Variants in DLG1 observed in about 807,000 individuals in gnomAD.
DLG1 encodes the protein discs large MAGUK scaffold protein 1, also known as disks large homolog 1.
Under a neutral mutation model 123.4 loss-of-function variants are expected in DLG1, and 42 were observed. The observed-to-expected ratio is 0.34, with a 90% CI of 0.27 to 0.44. DLG1 has a LOEUF of 0.44. Among genes scored for constraint, DLG1 ranks in the 20% least tolerant of loss-of-function variants. DLG1 has a pLI of 1.00. For synonymous variants in DLG1, 317 were observed against 356.2 expected (o/e 0.89, Z 1.24); for missense variants, 942 against 1,082.6 (o/e 0.87, Z 1.82).
intron 4 of DLG1, among the ~76,000 whole-genome samples, chr3:197,217,912 A>G (rs1734922959): frequency 6.6e-6 from 1 of 152,204 alleles, no homozygotes; most frequent in Non-Finnish European, 1.5e-5. Flanking sequence ...AAGACGCTGT[A>G]CTTTTTTAAT....
intron 4 of DLG1, among the ~76,000 whole-genome samples, chr3:197,211,548 C>G (rs530941839): frequency 1.4e-5 from 2 of 146,156 alleles, no homozygotes; most frequent in East Asian, 3.9e-4. Flanking sequence ...AAATCAAACA[C>G]ACAATGAGAT....
At chr3:197,294,781 C>G (rs575528908) in intron 3 of DLG1, among the ~76,000 whole-genome samples, 1 of 151,896 alleles carries the variant, frequency 6.6e-6, no homozygotes, top group South Asian at 2.1e-4. Context: ...ACACAGCAAA[C>G]CCATCCCCAA....
At chr3:197,055,653 G>A (rs145192306) in intron 23 of DLG1, among the ~76,000 whole-genome samples, 128 of 152,286 alleles carry the variant, frequency 8.4e-4, no homozygotes, top group African/African-American at 2.9e-3. Flanking sequence ...ACTTTTGAAT[G>A]TCCTGGTCTG....
At chr3:197,055,009 T>C (rs978473810) in intron 23 of DLG1, among the ~76,000 whole-genome samples, 1 of 152,100 alleles carries the variant, frequency 6.6e-6, no homozygotes, top group Non-Finnish European at 1.5e-5. Flanking sequence ...GAGATGGGGT[T>C]TTGCTATGTT....
At chr3:197,193,599 A>G (rs1320316642) in intron 5 of DLG1, among the ~76,000 whole-genome samples, 1 of 152,202 alleles carries the variant, frequency 6.6e-6, no homozygotes, top group Non-Finnish European at 1.5e-5. Context: ...AAATTTATCA[A>G]TGTGAGGAAT....
At chr3:197,278,238 G>A (rs1026237710) in intron 4 of DLG1, among the ~76,000 whole-genome samples, 104 of 129,836 alleles carry the variant, frequency 8.0e-4, no homozygotes, top group African/African-American at 3.0e-3. Context: ...AGACGAGATC[G>A]TACCATTGCA....
intron 4 of DLG1, among the ~76,000 whole-genome samples, chr3:197,232,936 A>AC (rs1744014820): frequency 1.6e-5 from 1 of 62,990 alleles, no homozygotes; most frequent in East Asian, 5.9e-4. Context: ...CCAGAAACAA[A>AC]GAAGGATTTA....
intron 11 of DLG1, 98 bp from the exon 12 acceptor site, chr3:197,119,628 T>TA: frequency 8.8e-7 from 1 of 1,135,312 alleles, no homozygotes; most frequent in African/African-American, 1.6e-5. Context: ...TGCACTCCTT[T>TA]ATATATCAGA....
rs1324545461 is a variant in DLG1, at chr3:197,158,452, G to A, written c.484-8656C>T. On this transcript the variant is annotated intron_variant, in intron 5 of 24. Coordinates refer to ENST00000667157, the MANE Select transcript of DLG1 (RefSeq NM_001366207.1). ...AGTCTGACCAACATGGAGAAACCTC[G>A]TCTCTACTTAAAAAAAAAAAAAAAA... Among the ~76,000 whole-genome samples, 39 of 113,028 alleles carry A rather than the reference G, an allele frequency of 3.5e-4. No individual in the cohort carries two copies. In the Admixed American group the frequency reaches 3.8e-3, roughly 11 times the overall value. The allele number at this position is 113,028 out of a possible 152,430, so 74.2% of individuals were successfully genotyped here.
chr3:197,263,092 G>C (rs1442146064), intron 4 of DLG1, among the ~76,000 whole-genome samples: 2 of 152,128 alleles, frequency 1.3e-5, no homozygotes, highest in Non-Finnish European at 2.9e-5. Flanking sequence ...TGAAAACAAT[G>C]GAAGTGATAT....
chr3:197,137,195 C>G (rs1785466412), intron 9 of DLG1, among the ~76,000 whole-genome samples: 1 of 149,248 alleles, frequency 6.7e-6, no homozygotes, highest in African/African-American at 2.5e-5. Context: ...TCTCAGCTCT[C>G]CATTCCTTTT....
At chr3:197,165,084 T>G (rs1278165853) in intron 5 of DLG1, among the ~76,000 whole-genome samples, 1 of 152,178 alleles carries the variant, frequency 6.6e-6, no homozygotes, top group Non-Finnish European at 1.5e-5. Context: ...AAGAAATGTC[T>G]GAAAAATTAA....
intron 6 of DLG1, 95 bp from the exon 7 acceptor site, chr3:197,142,863 T>C: frequency 1.1e-6 from 1 of 876,504 alleles, no homozygotes; most frequent in South Asian, 1.6e-5. Context: ...TGAAAACCTG[T>C]TGAATGCGAC....
chr3:197,260,750 C>CAAAAAAAAA (rs570596943), intron 4 of DLG1, among the ~76,000 whole-genome samples: 13 of 18,316 alleles, frequency 7.1e-4, no homozygotes, highest in South Asian at 3.9e-3. Context: ...TGACAACCAC[C>CAAAAAAAAA]AAAAAAAAAA....
chr3:197,238,064 G>A (rs983194148), intron 4 of DLG1, among the ~76,000 whole-genome samples: 3 of 152,154 alleles, frequency 2.0e-5, no homozygotes, highest in Non-Finnish European at 4.4e-5. Flanking sequence ...CAGGAGTGAG[G>A]AGTATTCTCT....
Position 197,149,800 on chromosome 3 carries a change from T to C in DLG1, c.484-4A>G. On this transcript the variant is annotated splice_region_variant and splice_polypyrimidine_tract_variant and intron_variant, in intron 5 of 24. Coordinates refer to ENST00000667157, the MANE Select transcript of DLG1 (RefSeq NM_001366207.1). Reference sequence around the variant, plus strand: ...CCAGTACTGGGGGAGGATTTGCCTTTAAGAAGAAATTGTAAATGTGTTAAC... The same window carrying C: ...CCAGTACTGGGGGAGGATTTGCCTTCAAGAAGAAATTGTAAATGTGTTAAC... 6.4e-7 allele frequency: 1 copy of C among 1,567,698 alleles called. No individual in the cohort carries two copies. The highest frequency in any genetic ancestry group is 1.4e-5 in the African/African-American group (1 of 73,830).
chr3:197,151,887 CCTTAT>C (rs1374071044), intron 5 of DLG1, among the ~76,000 whole-genome samples: 12 of 152,112 alleles, frequency 7.9e-5, no homozygotes, highest in Admixed American at 3.3e-4. Context: ...GTTTCTTAAG[CCTTAT>C]TACCGATGCT....
intron 22 of DLG1, among the ~76,000 whole-genome samples, chr3:197,063,512 T>C (rs528168469): frequency 6.6e-6 from 1 of 152,290 alleles, no homozygotes; most frequent in East Asian, 1.9e-4. Context: ...TTTTCTCTTA[T>C]TTTATACCGT....
rs1413765798 is a variant in DLG1, at chr3:197,076,601, T to C, written c.1990A>G (p.Thr664Ala). The C allele has an allele frequency of 6.2e-7, 1 of 1,612,164 alleles. No individual in the cohort carries two copies. ...ACATACTTACGGTCAGCATCACTTG[T>C]TTCCTGCTCACTCTGGTCCTTGTTC... ...YKNKDQSEQE[T>A]SDADQHVTSN... is the part of the protein sequence containing the mutation. The change falls in exon 18 of 25, where the codon ACA (threonine) becomes GCA (alanine). Residue 664 changes from threonine to alanine, a missense_variant. Coordinates refer to ENST00000667157, the MANE Select transcript of DLG1 (RefSeq NM_001366207.1).
Sources: allele counts gnomAD v4.1 joint callset (sites outside exome capture counted in the v4.1 genomes callset), GRCh38; gene constraint gnomAD v4.1.1; transcripts MANE v1.5; gene names NCBI Gene and HGNC (gene_info 2026-07-23, HGNC 2026-07-21).